The following HSDL2 variants were observed in gnomAD, a reference collection of about 807,000 sequenced individuals.
The protein encoded by HSDL2 is hydroxysteroid dehydrogenase-like protein 2.
A neutral mutation model predicts 46.3 loss-of-function variants in HSDL2; 27 were observed. The ratio of observed to expected loss-of-function variants is 0.58; its 90% CI spans 0.43 to 0.80. HSDL2 has a LOEUF of 0.80. HSDL2 is among the 30% of genes least tolerant of loss of function. The pLI is 0.00. For synonymous variants in HSDL2, 153 were observed against 163.6 expected, an observed-to-expected ratio of 0.94 and a Z score of 0.50; for missense variants, 451 against 502.7, an observed-to-expected ratio of 0.90 and a Z score of 0.98.
At chr9:112,453,952 TTC>T in intron 8 of HSDL2, 59 bp from the exon 9 acceptor site, 3 of 1,278,890 alleles carry the variant, frequency 2.3e-6, no homozygotes, top group Non-Finnish European at 3.2e-6. Context: ...GATTAATTAA[TTC>T]TGTGTGGGGT....
At chr9:112,415,207 T>G (rs1391826710) in intron 4 of HSDL2, among the ~76,000 whole-genome samples, 1 of 152,198 alleles carries the variant, frequency 6.6e-6, no homozygotes, top group Non-Finnish European at 1.5e-5. Context: ...TTTATATTGG[T>G]GAAAATTAAA....
rs751776349 is a variant in HSDL2 at position 112,404,059 on chromosome 9, T to C, written c.82T>C (p.Leu28=). Residue 28 remains leucine, a synonymous_variant, in exon 2 of 11, where the codon TTG becomes CTG. Coordinates refer to ENST00000398805, the MANE Select transcript of HSDL2 (RefSeq NM_032303.5). The stretch of plus-strand genomic sequence containing the variant: ...CCGTGGCATTGGCAAAGCTATTGCA[T>C]TGAAAGCAGCAAAGGATGGAGCAAA... ...ASRGIGKAIA[L]KAAKDGANIV... The C allele has an allele frequency of 8.7e-6, 14 of 1,614,070 alleles. No individual in the cohort carries two copies. The highest frequency in any genetic ancestry group is 1.2e-5 in the Non-Finnish European group (14 of 1,180,028).
At chr9:112,425,906 T>TTG (rs112539767) in intron 6 of HSDL2, among the ~76,000 whole-genome samples, 41,734 of 151,220 alleles carry the variant, frequency 0.28, 5,895 homozygotes, top group Middle Eastern at 0.39. Context: ...TTTTCAGTTT[T>TTG]TGTGTGTATG....
In HSDL2 at chr9:112,441,654, A is replaced by T. The variant is rs374719597; in HGVS notation, c.794-45A>T. 2.4e-6 allele frequency: 3 copies of T among 1,237,068 alleles called. No homozygotes were observed. In the South Asian group the frequency reaches 3.7e-5, roughly 15 times the overall value. 76.6% of individuals were successfully genotyped at this position (1,237,068 alleles called of 1,614,324 possible). A position where few individuals can be genotyped will look rare whatever the true frequency, so the allele number is the denominator to read the frequency against. ...ATTAAACAGATGTTAAAATCTTACT[A>T]TGTTGTAGTTACATTAACCTAATGG... On this transcript the variant is annotated intron_variant, in intron 7 of 10. Transcript: ENST00000398805.
chr9:112,418,802 A>G, intron 5 of HSDL2, 58 bp from the exon 6 acceptor site: 1 of 977,390 alleles, frequency 1.0e-6, no homozygotes, highest in South Asian at 1.6e-5. Context: ...TTCTACTCAC[A>G]AGTTAATCAA....
At chr9:112,403,199 C>CT (rs34534418) in intron 1 of HSDL2, among the ~76,000 whole-genome samples, 71,615 of 152,034 alleles carry the variant, frequency 0.47, 17,209 homozygotes, top group Admixed American at 0.55. Context: ...ATTTTAAAAC[C>CT]TTTAATCATC....
At chr9:112,390,861 A>C (rs926657384) in intron 1 of HSDL2, among the ~76,000 whole-genome samples, 2 of 152,218 alleles carry the variant, frequency 1.3e-5, no homozygotes, top group African/African-American at 2.4e-5. Context: ...GCCATAAAAG[A>C]AAAGAATTAT....
chr9:112,406,999 G>A (rs1831746881), intron 3 of HSDL2, among the ~76,000 whole-genome samples: 1 of 152,196 alleles, frequency 6.6e-6, no homozygotes. Flanking sequence ...GAGGGACAAT[G>A]GCCAGTGGAA....
intron 1 of HSDL2, among the ~76,000 whole-genome samples, chr9:112,401,330 C>T (rs911223696): frequency 4.0e-5 from 6 of 150,896 alleles, no homozygotes; most frequent in South Asian, 2.1e-4. Context: ...TGGTAGTGCA[C>T]GCCTGTAGTC....
chr9:112,387,225 T>C (rs1156647781), intron 1 of HSDL2, among the ~76,000 whole-genome samples: 1 of 146,888 alleles, frequency 6.8e-6, no homozygotes, highest in Non-Finnish European at 1.5e-5. Flanking sequence ...TTTCTTTTCT[T>C]TTTTTTTTTT....
chr9:112,405,531 C>A, intron 2 of HSDL2, 93 bp from the exon 3 acceptor site: 1 of 798,952 alleles, frequency 1.3e-6, no homozygotes. Context: ...TTTCTGAAAA[C>A]AGGGTACTTT....
At chr9:112,415,144 C>T (rs1279244303) in intron 4 of HSDL2, among the ~76,000 whole-genome samples, 1 of 151,938 alleles carries the variant, frequency 6.6e-6, no homozygotes, top group Non-Finnish European at 1.5e-5. Context: ...AATTACCTAC[C>T]TTAATGAGTG....
intron 8 of HSDL2, among the ~76,000 whole-genome samples, chr9:112,442,871 T>C (rs1832671907): frequency 2.0e-5 from 3 of 152,162 alleles, no homozygotes; most frequent in Admixed American, 2.0e-4. Flanking sequence ...CTTTTATTTA[T>C]TCTTTATTAT....
intron 10 of HSDL2, among the ~76,000 whole-genome samples, chr9:112,464,209 CACAG>C (rs1833305118): frequency 6.6e-6 from 1 of 151,220 alleles, no homozygotes; most frequent in Non-Finnish European, 1.5e-5. Context: ...TCTACACACA[CACAG>C]ACACACACAC....
At chr9:112,437,562 A>T (rs1832554547) in intron 6 of HSDL2, among the ~76,000 whole-genome samples, 1 of 111,498 alleles carries the variant, frequency 9.0e-6, no homozygotes, top group East Asian at 2.5e-4. Flanking sequence ...GAATACCCAC[A>T]AGAATGTGTG....
intron 4 of HSDL2, among the ~76,000 whole-genome samples, chr9:112,414,785 C>T (rs1831955428): frequency 6.6e-6 from 1 of 152,042 alleles, no homozygotes; most frequent in South Asian, 2.1e-4. Flanking sequence ...AGTGAAGCAC[C>T]TTTGGAAATG....
At chr9:112,455,546 G>C (rs1000498375) in intron 9 of HSDL2, among the ~76,000 whole-genome samples, 3 of 152,082 alleles carry the variant, frequency 2.0e-5, no homozygotes, top group Admixed American at 1.3e-4. Flanking sequence ...GCAAAGTTTT[G>C]GGGGAGGAAA....
Position 112,441,744 on chromosome 9 carries a change from C to T in HSDL2, c.839C>T (p.Ala280Val). The T allele has an allele frequency of 6.2e-7, 1 of 1,611,574 alleles. No homozygotes were observed. The highest frequency in any genetic ancestry group is 8.5e-7 in the Non-Finnish European group (1 of 1,177,912). ...TTCTTCTTAGATGAATACCCAGAAGCAGTTAGCAAGAAAGTGGAATCAACT... is the reference window on the plus strand; with the variant it reads ...TTCTTCTTAGATGAATACCCAGAAGTAGTTAGCAAGAAAGTGGAATCAACT... ...PDFFLDEYPE[A>V]VSKKVESTGA... The change falls in exon 8 of 11, where the codon GCA (alanine) becomes GTA (valine). Residue 280 changes from alanine to valine, a missense_variant. Physicochemically the swap from Ala to Val is moderately conservative, Grantham distance 64 (BLOSUM62 0). Coordinates refer to ENST00000398805, the MANE Select transcript of HSDL2 (RefSeq NM_032303.5).
chr9:112,402,736 C>T (rs1255396867), intron 1 of HSDL2, among the ~76,000 whole-genome samples: 1 of 151,972 alleles, frequency 6.6e-6, no homozygotes, highest in South Asian at 2.1e-4. Flanking sequence ...GCCTGGCCAA[C>T]ATGGTGAAAT....
Sources: allele counts gnomAD v4.1 joint callset (sites outside exome capture counted in the v4.1 genomes callset), GRCh38; gene constraint gnomAD v4.1.1; transcripts MANE v1.5; gene names NCBI Gene and HGNC (gene_info 2026-07-23, HGNC 2026-07-21).